The following PRDM5 variants were observed in gnomAD, a reference collection of about 807,000 sequenced individuals.
The protein encoded by PRDM5 is PR/SET domain 5.
A neutral mutation model predicts 81.2 loss-of-function variants in PRDM5; 56 were observed. That is an observed-to-expected ratio of 0.69 (90% CI 0.56 to 0.86). PRDM5 has a LOEUF of 0.86. PRDM5 is among the 40% of genes least tolerant of loss of function. The probability of loss-of-function intolerance (pLI) is 0.00; values close to 1 mark genes in which losing one functional copy is unlikely to be tolerated. For missense variants in PRDM5, 697 were observed against 770.1 expected, an observed-to-expected ratio of 0.91 and a Z score of 1.12; for synonymous variants, 267 against 256.4, an observed-to-expected ratio of 1.04 and a Z score of -0.39.
intron 1 of PRDM5, among the ~76,000 whole-genome samples, chr4:120,915,165 T>C (rs1723978770): frequency 6.6e-6 from 1 of 152,026 alleles, no homozygotes; most frequent in Non-Finnish European, 1.5e-5. Context: ...ATATAAAAGT[T>C]CAGTTTCCAC....
chr4:120,909,143 G>A (rs144776669), intron 1 of PRDM5, among the ~76,000 whole-genome samples: 1 of 152,260 alleles, frequency 6.6e-6, no homozygotes, highest in African/African-American at 2.4e-5. Context: ...CTTGATTAAG[G>A]TCAATCAGGT....
chr4:120,771,467 G>A (rs1207346435), intron 13 of PRDM5, among the ~76,000 whole-genome samples: 1 of 151,994 alleles, frequency 6.6e-6, no homozygotes, highest in African/African-American at 2.4e-5. Context: ...GTATTAAAAA[G>A]AATGCTTAGC....
In PRDM5 at chr4:120,755,113, C is replaced by T. The variant is rs111911398; in HGVS notation, c.1538-475G>A. On this transcript the variant is annotated intron_variant, in intron 13 of 15. Coordinates refer to ENST00000264808, the MANE Select transcript of PRDM5 (RefSeq NM_018699.4). Reference sequence around the variant, plus strand: ...AAGGCTGTGAGTTTCAAAAGAATTTCATAAAATTGGTATATGTTCAAAAGG... The same window carrying T: ...AAGGCTGTGAGTTTCAAAAGAATTTTATAAAATTGGTATATGTTCAAAAGG... Among the ~76,000 whole-genome samples the T allele has an allele frequency of 7.3e-3, 1,106 of 152,204 alleles. 17 individuals carry two copies. Among genetic ancestry groups the T allele is most frequent in the African/African-American group, 0.025 (1,043 of 41,538 alleles).
intron 11 of PRDM5, among the ~76,000 whole-genome samples, chr4:120,784,571 A>G (rs1232770401): frequency 1.3e-5 from 2 of 152,058 alleles, no homozygotes; most frequent in Non-Finnish European, 2.9e-5. Flanking sequence ...TTAGATGTGC[A>G]CTCTGATCCT....
chr4:120,710,444 T>C (rs763517084), intron 14 of PRDM5, 31 bp from the exon 15 acceptor site: 3 of 1,560,610 alleles, frequency 1.9e-6, no homozygotes, highest in East Asian at 2.2e-5. Flanking sequence ...CCACCAAAAT[T>C]GCCAGTGAAT....
chr4:120,751,842 G>A (rs1265806192), intron 14 of PRDM5, among the ~76,000 whole-genome samples: 1 of 152,164 alleles, frequency 6.6e-6, no homozygotes, highest in Non-Finnish European at 1.5e-5. Flanking sequence ...GGGGGTATAG[G>A]CCTGACACAG....
chr4:120,821,966 G>T (rs1031724538), intron 3 of PRDM5, among the ~76,000 whole-genome samples: 2 of 151,070 alleles, frequency 1.3e-5, no homozygotes, highest in African/African-American at 4.9e-5. Flanking sequence ...AAAAAACAAG[G>T]TCCACCATCA....
At chr4:120,898,935 T>G (rs999143763) in intron 2 of PRDM5, among the ~76,000 whole-genome samples, 1 of 152,184 alleles carries the variant, frequency 6.6e-6, no homozygotes, top group Non-Finnish European at 1.5e-5. Context: ...TCACCATGCC[T>G]ATTTTTGTTT....
chr4:120,717,374 A>G (rs1047500714), intron 14 of PRDM5, among the ~76,000 whole-genome samples: 6 of 152,214 alleles, frequency 3.9e-5, no homozygotes, highest in Admixed American at 1.3e-4. Flanking sequence ...GATTTCATTC[A>G]AAAGGTAGGA....
At chr4:120,881,833 T>G (rs1161059312) in intron 2 of PRDM5, among the ~76,000 whole-genome samples, 2 of 152,218 alleles carry the variant, frequency 1.3e-5, no homozygotes, top group Non-Finnish European at 1.5e-5. Context: ...GGCCATGTAT[T>G]CTATTGTCTA....
intron 2 of PRDM5, among the ~76,000 whole-genome samples, chr4:120,864,189 T>G (rs1760954199): frequency 6.6e-6 from 1 of 152,124 alleles, no homozygotes; most frequent in African/African-American, 2.4e-5. Context: ...ATGAATTGTG[T>G]ATGGAGGGAA....
intron 15 of PRDM5, 89 bp downstream of exon 15, chr4:120,710,212 CACACACAG>C: frequency 1.9e-6 from 2 of 1,030,136 alleles, no homozygotes; most frequent in Non-Finnish European, 3.0e-6. Context: ...ATGCAACACA[CACACACAG>C]ACACACACAC....
chr4:120,765,914 A>C lies in PRDM5; in HGVS notation c.1537+11274T>G, dbSNP rs1049363201. ...ACTGTGCAAAGTTATTTATATCTTC[A>C]TTTGTTCCTCAAAACAACACTATGC... is the stretch of plus-strand genomic sequence containing the variant. On this transcript the variant is annotated intron_variant, in intron 13 of 15. Coordinates refer to ENST00000264808, the MANE Select transcript of PRDM5 (RefSeq NM_018699.4). 2.6e-5 allele frequency among the ~76,000 whole-genome samples: 4 copies of C among 151,000 alleles called. No homozygotes were observed. The South Asian group carries it at 8.4e-4, about 32-fold the overall frequency.
At chr4:120,755,672 A>T (rs1452735685) in intron 13 of PRDM5, among the ~76,000 whole-genome samples, 1 of 152,108 alleles carries the variant, frequency 6.6e-6, no homozygotes, top group African/African-American at 2.4e-5. Flanking sequence ...TCCAGTGACT[A>T]CTTTTCAACA....
intron 14 of PRDM5, among the ~76,000 whole-genome samples, chr4:120,753,032 A>G (rs1164829425): frequency 3.9e-5 from 6 of 152,328 alleles, no homozygotes; most frequent in African/African-American, 1.4e-4. Flanking sequence ...TTTTTCCTGC[A>G]GTGATTTAAA....
chr4:120,879,732 T>G (rs1041869351), intron 2 of PRDM5, among the ~76,000 whole-genome samples: 2 of 152,126 alleles, frequency 1.3e-5, no homozygotes, highest in African/African-American at 2.4e-5. Flanking sequence ...TCAAAAGTTA[T>G]ACATCAATTT....
In PRDM5 at chr4:120,922,680, T is replaced by C. The variant is rs978025282; in HGVS notation, c.-72A>G. On this transcript the variant is annotated 5_prime_UTR_variant, in exon 1 of 16. Transcript: ENST00000264808. ...CGCCCGGCAGGCGGCACATCGAAAT[T>C]TGGGGTGCCAGGGTAGAGGGGAGAA... 12 of 1,543,006 alleles carry C rather than the reference T, an allele frequency of 7.8e-6. 1 individual carries two copies. Among genetic ancestry groups the C allele is most frequent in the South Asian group, 5.9e-5 (5 of 84,726 alleles).
chr4:120,727,303 A>ATGTG (rs34504620), intron 14 of PRDM5, among the ~76,000 whole-genome samples: 14,031 of 150,722 alleles, frequency 0.093, 699 homozygotes, highest in South Asian at 0.17. Context: ...GTATGTATAT[A>ATGTG]TGTGTGTGTG....
At chr4:120,756,738 T>C (rs997717949) in intron 13 of PRDM5, among the ~76,000 whole-genome samples, 28 of 152,220 alleles carry the variant, frequency 1.8e-4, no homozygotes, top group Admixed American at 5.9e-4. Flanking sequence ...AAAAGTCATT[T>C]TTTAGATTTT....
Sources: allele counts gnomAD v4.1 joint callset (sites outside exome capture counted in the v4.1 genomes callset), GRCh38; gene constraint gnomAD v4.1.1; transcripts MANE v1.5; gene names NCBI Gene and HGNC (gene_info 2026-07-23, HGNC 2026-07-21).